SLC16A12: variants seen among roughly 807,000 people sequenced by gnomAD.
The protein encoded by SLC16A12 is monocarboxylate transporter 12.
In SLC16A12, 17 loss-of-function variants were observed where a neutral mutation model predicts 42.4. The ratio of observed to expected loss-of-function variants is 0.40; its 90% CI spans 0.27 to 0.60. SLC16A12 has a LOEUF of 0.60. Ranked by LOEUF, SLC16A12 falls within the 20% of genes least tolerant of loss-of-function variation. The probability of loss-of-function intolerance (pLI) is 0.42; values close to 1 mark genes in which losing one functional copy is unlikely to be tolerated. For synonymous variants in SLC16A12, 224 were observed against 229.4 expected (o/e 0.98, Z 0.21); for missense variants, 544 against 623.0 (o/e 0.87, Z 1.35).
intron 3 of SLC16A12, among the ~76,000 whole-genome samples, chr10:89,446,210 C>T (rs1407727673): frequency 1.3e-5 from 2 of 152,108 alleles, no homozygotes; most frequent in Non-Finnish European, 2.9e-5. Context: ...AGAACTTCCC[C>T]AATCTAGTGA....
intron 2 of SLC16A12, among the ~76,000 whole-genome samples, chr10:89,486,521 AT>A (rs1842742942): frequency 6.6e-6 from 1 of 150,512 alleles, no homozygotes; most frequent in Non-Finnish European, 1.5e-5. Flanking sequence ...GAATCCAGGA[AT>A]TCAAAATTAC....
chr10:89,464,920 A>G lies in SLC16A12; in HGVS notation c.-46-2296T>C, dbSNP rs368563345. Among the ~76,000 whole-genome samples, 4 of 152,364 alleles carry G rather than the reference A, an allele frequency of 2.6e-5. No individual in the cohort carries two copies. In the East Asian group the frequency reaches 7.7e-4, roughly 29 times the overall value. On this transcript the variant is annotated intron_variant, in intron 2 of 7. Transcript: ENST00000371790. ...GGTGATTACGTGGACAACTGAAATT[A>G]TAAATCTATCAAAAGTATTGGGAGA...
chr10:89,538,820 A>G (rs1268254415), upstream of SLC16A12, among the ~76,000 whole-genome samples: 1 of 152,218 alleles, frequency 6.6e-6, no homozygotes, highest in African/African-American at 2.4e-5. Context: ...GCCAAACTTT[A>G]GTCAGGCTCC....
chr10:89,515,395 C>A (rs1045992123), intron 2 of SLC16A12, among the ~76,000 whole-genome samples: 4 of 152,174 alleles, frequency 2.6e-5, no homozygotes, highest in African/African-American at 9.6e-5. Flanking sequence ...CCTCGGTATT[C>A]ATTCATTTGC....
chr10:89,542,923 C>T (rs1383410060), intron 2 of SLC16A12, among the ~76,000 whole-genome samples: 2 of 152,192 alleles, frequency 1.3e-5, no homozygotes, highest in African/African-American at 4.8e-5. Flanking sequence ...CTGTTACATC[C>T]TCATTCTTGT....
intron 2 of SLC16A12, among the ~76,000 whole-genome samples, chr10:89,484,712 T>C (rs1191834204): frequency 6.6e-6 from 1 of 152,202 alleles, no homozygotes; most frequent in Non-Finnish European, 1.5e-5. Flanking sequence ...ACAAGTTGCA[T>C]ACGTTTTACT....
At chr10:89,475,115 C>T (rs1265391546) in intron 2 of SLC16A12, among the ~76,000 whole-genome samples, 3 of 152,234 alleles carry the variant, frequency 2.0e-5, no homozygotes, top group African/African-American at 2.4e-5. Context: ...CATTTTATTA[C>T]TCCCTCTTAA....
At chr10:89,528,270 A>G (rs1482674767) in intron 2 of SLC16A12, among the ~76,000 whole-genome samples, 1 of 152,250 alleles carries the variant, frequency 6.6e-6, no homozygotes, top group Non-Finnish European at 1.5e-5. Flanking sequence ...AAGTTTGAGT[A>G]TTAAGGTTGA....
At chr10:89,531,610 A>G (rs1311938936) in intron 2 of SLC16A12, among the ~76,000 whole-genome samples, 1 of 152,190 alleles carries the variant, frequency 6.6e-6, no homozygotes. Flanking sequence ...GAGTTGTTTC[A>G]GTGTTGGGCA....
chr10:89,435,989 T>C (rs1025375247), intron 7 of SLC16A12, 71 bp downstream of exon 7: 4 of 1,597,996 alleles, frequency 2.5e-6, no homozygotes, highest in Non-Finnish European at 2.6e-6. Flanking sequence ...ATTGACTGCA[T>C]GTGGGTTTGC....
chr10:89,473,125 G>C (rs1377532355), intron 2 of SLC16A12, among the ~76,000 whole-genome samples: 1 of 133,496 alleles, frequency 7.5e-6, no homozygotes, highest in Non-Finnish European at 1.8e-5. Flanking sequence ...GGCCTCAGCA[G>C]TCTTTTTTTT....
intron 2 of SLC16A12, among the ~76,000 whole-genome samples, chr10:89,486,685 G>C (rs1457265150): frequency 8.9e-6 from 1 of 112,370 alleles, no homozygotes; most frequent in Non-Finnish European, 1.9e-5. Context: ...AGAAAGAAAA[G>C]AAAGAAAAGA....
intron 2 of SLC16A12, among the ~76,000 whole-genome samples, chr10:89,503,632 T>C (rs1383598067): frequency 6.6e-6 from 1 of 152,174 alleles, no homozygotes; most frequent in African/African-American, 2.4e-5. Flanking sequence ...AGTAGTAGCC[T>C]GAAAAGACCA....
intron 2 of SLC16A12, among the ~76,000 whole-genome samples, chr10:89,473,875 T>C (rs897905607): frequency 1.2e-4 from 19 of 152,194 alleles, no homozygotes; most frequent in African/African-American, 4.6e-4. Context: ...TCTGTTTGCC[T>C]GAGGATTGGC....
At chr10:89,553,935 C>T (rs564324525) in intron 2 of SLC16A12, among the ~76,000 whole-genome samples, 1 of 151,256 alleles carries the variant, frequency 6.6e-6, no homozygotes, top group East Asian at 1.9e-4. Context: ...GCAGAAGTTG[C>T]AGTGAGTCAA....
intron 3 of SLC16A12, among the ~76,000 whole-genome samples, chr10:89,452,545 T>C (rs914093750): frequency 4.2e-4 from 64 of 152,216 alleles, no homozygotes; most frequent in Non-Finnish European, 5.3e-4. Context: ...TCTATTTTAG[T>C]ACATTTAACA....
intron 2 of SLC16A12, among the ~76,000 whole-genome samples, chr10:89,555,719 A>G (rs1028892482): frequency 7.2e-6 from 1 of 138,356 alleles, no homozygotes; most frequent in African/African-American, 2.7e-5. Flanking sequence ...ATATATATAT[A>G]TTCCATGCAG....
chr10:89,522,780 T>C (rs1473744857), intron 2 of SLC16A12, among the ~76,000 whole-genome samples: 1 of 152,218 alleles, frequency 6.6e-6, no homozygotes, highest in Admixed American at 6.5e-5. Flanking sequence ...ACCTCAATTG[T>C]AAATTAAGAC....
intron 3 of SLC16A12, among the ~76,000 whole-genome samples, chr10:89,455,370 G>GT (rs1842172531): frequency 6.6e-6 from 1 of 151,888 alleles, no homozygotes; most frequent in African/African-American, 2.4e-5. Context: ...CTGCTTGCTG[G>GT]TTTTCTTAGA....
Sources: allele counts gnomAD v4.1 joint callset (sites outside exome capture counted in the v4.1 genomes callset), GRCh38; gene constraint gnomAD v4.1.1; transcripts MANE v1.5; gene names NCBI Gene and HGNC (gene_info 2026-07-23, HGNC 2026-07-21).